Variants in LPP observed in about 807,000 individuals in gnomAD.
LPP encodes the protein lipoma-preferred partner.
LPP carries 38 observed loss-of-function variants against 60.4 expected under a neutral mutation model. The ratio of observed to expected loss-of-function variants is 0.63; its 90% CI spans 0.49 to 0.83. The LOEUF is 0.83. Ranked by LOEUF, LPP falls within the 40% of genes least tolerant of loss-of-function variation. The pLI is 0.00. For synonymous variants in LPP, 328 were observed against 290.8 expected, an observed-to-expected ratio of 1.13 and a Z score of -1.30; for missense variants, 902 against 783.6, an observed-to-expected ratio of 1.15 and a Z score of -1.80.
chr3:188,554,658 A>G (rs1291578759), intron 6 of LPP, among the ~76,000 whole-genome samples: 1 of 152,204 alleles, frequency 6.6e-6, no homozygotes, highest in Non-Finnish European at 1.5e-5. Flanking sequence ...CTATGGTGAC[A>G]TATAATATTT....
chr3:188,672,275 G>C (rs1206447464), intron 7 of LPP, among the ~76,000 whole-genome samples: 1 of 151,108 alleles, frequency 6.6e-6, no homozygotes, highest in South Asian at 2.1e-4. Flanking sequence ...TCAAATGTTT[G>C]TTATAAGACT....
At chr3:188,197,447 G>A (rs1729858841) in intron 1 of LPP, among the ~76,000 whole-genome samples, 1 of 152,184 alleles carries the variant, frequency 6.6e-6, no homozygotes, top group African/African-American at 2.4e-5. Flanking sequence ...TGGCATGGCA[G>A]GCAGGCACTC....
chr3:188,737,477 A>T (rs989934992), intron 8 of LPP, among the ~76,000 whole-genome samples: 1 of 151,952 alleles, frequency 6.6e-6, no homozygotes, highest in African/African-American at 2.4e-5. Context: ...GAATTTTAGA[A>T]CTCCGCTCCA....
intron 2 of LPP, among the ~76,000 whole-genome samples, chr3:188,323,799 A>T (rs1757598138): frequency 1.3e-5 from 2 of 152,232 alleles, no homozygotes; most frequent in Non-Finnish European, 2.9e-5. Context: ...TGGGCATCTT[A>T]TTCTCCTATG....
chr3:188,214,890 TAA>T (rs897700897), intron 1 of LPP, among the ~76,000 whole-genome samples: 1 of 152,228 alleles, frequency 6.6e-6, no homozygotes, highest in Non-Finnish European at 1.5e-5. Flanking sequence ...AGCACAGGGC[TAA>T]ACACTTTACC....
At chr3:188,282,582 A>G (rs1049629699) in intron 2 of LPP, among the ~76,000 whole-genome samples, 1 of 152,104 alleles carries the variant, frequency 6.6e-6, no homozygotes, top group East Asian at 1.9e-4. Flanking sequence ...TGCTCCTGGC[A>G]TAAGTGACAT....
chr3:188,426,083 G>T (rs1789254270), intron 4 of LPP, among the ~76,000 whole-genome samples: 1 of 151,546 alleles, frequency 6.6e-6, no homozygotes, highest in African/African-American at 2.4e-5. Flanking sequence ...TCTCTTGTGG[G>T]TATTTAGTGC....
intron 7 of LPP, among the ~76,000 whole-genome samples, chr3:188,694,784 G>C (rs1445742846): frequency 1.3e-5 from 2 of 152,092 alleles, no homozygotes; most frequent in African/African-American, 2.4e-5. Flanking sequence ...ATTAGTTGGG[G>C]GTACTTGTAA....
rs183369042 is a variant in LPP at position 188,713,492 on chromosome 3, T to C, written c.1240+5099T>C. Reference sequence around the variant, plus strand: ...AATGTTAATTTCATGATGATATTAATGGTGTTGTGATTATGTAGGAAAATC... The same window carrying C: ...AATGTTAATTTCATGATGATATTAACGGTGTTGTGATTATGTAGGAAAATC... On this transcript the variant is annotated intron_variant, in intron 8 of 11. Coordinates refer to ENST00000617246, the MANE Select transcript of LPP (RefSeq NM_001375462.1). 4.9e-3 allele frequency among the ~76,000 whole-genome samples: 743 copies of C among 152,296 alleles called. 8 individuals carry two copies. Among genetic ancestry groups the C allele is most frequent in the African/African-American group, 0.017 (712 of 41,562 alleles).
intron 2 of LPP, among the ~76,000 whole-genome samples, chr3:188,290,984 T>C (rs1745737904): frequency 6.6e-6 from 1 of 152,226 alleles, no homozygotes; most frequent in Non-Finnish European, 1.5e-5. Flanking sequence ...CTTGGACTGT[T>C]TCTGTAGCAT....
chr3:188,786,177 C>T (rs1217195074), intron 9 of LPP, among the ~76,000 whole-genome samples: 4 of 151,444 alleles, frequency 2.6e-5, no homozygotes, highest in East Asian at 3.9e-4. Context: ...GTCAGGAGTT[C>T]GAAACCAGTG....
intron 7 of LPP, among the ~76,000 whole-genome samples, chr3:188,656,762 G>T (rs906817936): frequency 6.6e-6 from 1 of 152,142 alleles, no homozygotes; most frequent in Non-Finnish European, 1.5e-5. Context: ...GAAGCCTTCT[G>T]GCTTGAAGGA....
intron 3 of LPP, among the ~76,000 whole-genome samples, chr3:188,392,238 G>A (rs1779883788): frequency 6.6e-6 from 1 of 152,208 alleles, no homozygotes; most frequent in Non-Finnish European, 1.5e-5. Context: ...ATCCCTAAGG[G>A]GGAATTCCTA....
intron 2 of LPP, among the ~76,000 whole-genome samples, chr3:188,253,511 G>A (rs1048849386): frequency 2.6e-5 from 4 of 152,054 alleles, no homozygotes; most frequent in Admixed American, 2.6e-4. Context: ...CATACTTCCC[G>A]TGTGATTTGA....
intron 8 of LPP, among the ~76,000 whole-genome samples, chr3:188,739,535 T>G (rs1481589017): frequency 6.6e-6 from 1 of 152,092 alleles, no homozygotes; most frequent in Non-Finnish European, 1.5e-5. Flanking sequence ...AGTTTTATAA[T>G]GAAGGGCTTT....
In LPP at chr3:188,676,084, G is replaced by GATAGT. The variant is rs761500963; in HGVS notation, c.1114-32181_1114-32180insAGTAT. On this transcript the variant is annotated intron_variant, in intron 7 of 11. Coordinates refer to ENST00000617246, the MANE Select transcript of LPP (RefSeq NM_001375462.1). ...GGCTTTGGTCTGTAATAGATAAAAAGATTTTTAAGGGAAAAATATTAGAAA... is the reference window on the plus strand; with the variant it reads ...GGCTTTGGTCTGTAATAGATAAAAAGATAGTATTTTTAAGGGAAAAATATTAGAAA... 1.2e-3 allele frequency among the ~76,000 whole-genome samples: 189 copies of GATAGT among 151,688 alleles called. 3 individuals carry two copies. The highest frequency in any genetic ancestry group is 4.2e-3 in the African/African-American group (174 of 41,382).
chr3:188,373,949 A>T (rs1470235302), intron 3 of LPP, among the ~76,000 whole-genome samples: 1 of 152,160 alleles, frequency 6.6e-6, no homozygotes, highest in Admixed American at 6.5e-5. Context: ...CCCCAGCACC[A>T]TTTATTAAAT....
chr3:188,640,256 G>A (rs1475552921), intron 7 of LPP, among the ~76,000 whole-genome samples: 3 of 150,764 alleles, frequency 2.0e-5, no homozygotes, highest in Admixed American at 6.6e-5. Context: ...TTCTCAGTAA[G>A]CTATCGCAAG....
chr3:188,240,671 A>T (rs142351424), intron 2 of LPP, among the ~76,000 whole-genome samples: 2 of 151,644 alleles, frequency 1.3e-5, no homozygotes, highest in Middle Eastern at 3.4e-3. Context: ...CAATCATGTC[A>T]ACTAGTAAGG....
Sources: allele counts gnomAD v4.1 joint callset (sites outside exome capture counted in the v4.1 genomes callset), GRCh38; gene constraint gnomAD v4.1.1; transcripts MANE v1.5; gene names NCBI Gene and HGNC (gene_info 2026-07-23, HGNC 2026-07-21).